The following PCDHB12 variants were observed in gnomAD, a reference collection of about 807,000 sequenced individuals.
The protein encoded by PCDHB12 is protocadherin beta 12.
For missense variants in PCDHB12, 1,192 were observed against 998.2 expected (o/e 1.19, Z -2.62); for synonymous variants, 560 against 445.2 (o/e 1.26, Z -3.24).
chr5:141,210,051 G>T lies in PCDHB12; in HGVS notation c.1144G>T (p.Val382Phe). ...DRDSGDNGKM[V>F]CSIPEDIPFV... ...AGACTCTGGGGACAACGGAAAGATG[G>T]TTTGTTCTATCCCGGAGGACATCCC... The change falls in exon 1 of 1, where the codon GTT (valine) becomes TTT (phenylalanine). Residue 382 changes from valine (V) to phenylalanine (F), a missense_variant. Physicochemically the swap from Val to Phe is conservative, Grantham distance 50. Transcript: ENST00000239450. 1.2e-6 allele frequency: 2 copies of T among 1,614,148 alleles called. No individual in the cohort carries two copies. Among genetic ancestry groups the T allele is most frequent in the East Asian group, 2.2e-5 (1 of 44,878 alleles).
rs781896876 is a variant in PCDHB12 at position 141,210,812 on chromosome 5, G to T, written c.1905G>T (p.Ala635=). Residue 635 remains alanine, a synonymous_variant, in exon 1 of 1, where the codon GCG becomes GCT. Transcript: ENST00000239450. Reference sequence around the variant, plus strand: ...CCAGGCTGCTGAGCGAGCGCGACGCGGCCAAGCACAGGCTGGTGGTGCTGG... The same window carrying T: ...CCAGGCTGCTGAGCGAGCGCGACGCTGCCAAGCACAGGCTGGTGGTGCTGG... ...RTARLLSERD[A]AKHRLVVLVK... is the part of the protein sequence containing the mutation. The T allele has an allele frequency of 7.5e-6, 12 of 1,599,914 alleles. No homozygotes were observed. Among genetic ancestry groups the T allele is most frequent in the East Asian group, 6.7e-5 (3 of 44,788 alleles).
chr5:141,210,155 G>T lies in PCDHB12; in HGVS notation c.1248G>T (p.Glu416Asp). 1 of 1,614,166 alleles carries T rather than the reference G, an allele frequency of 6.2e-7. No individual in the cohort carries two copies. The highest frequency in any genetic ancestry group is 8.5e-7 in the Non-Finnish European group (1 of 1,180,012). ...ERPLDRESRA[E>D]YNITITVTDL... ...CGCTGGACAGAGAGAGCAGAGCCGA[G>T]TACAACATCACCATCACCGTCACCG... Residue 416 changes from glutamate (E) to aspartate (D), a missense_variant, in exon 1 of 1, where the codon GAG becomes GAT. Transcript: ENST00000239450.
Position 141,209,959 on chromosome 5 carries a change from C to A in PCDHB12, c.1052C>A (p.Ser351Ter). 6.2e-7 allele frequency: 1 copy of A among 1,614,164 alleles called. No individual in the cohort carries two copies. Among genetic ancestry groups the A allele is most frequent in the Non-Finnish European group, 8.5e-7 (1 of 1,180,040 alleles). ...AACGCTCCTGAAATCACTGTGTCAT[C>A]AATTACCAGTCCAATCCCAGAAAAC... The part of the protein sequence containing the change: ...NDNAPEITVS[S>*]ITSPIPENTP... Residue 351 changes from serine (S) to a stop codon, truncating the protein, a stop_gained, in exon 1 of 1, where the codon TCA becomes TAA. Coordinates refer to ENST00000239450, the MANE Select transcript of PCDHB12 (RefSeq NM_018932.4). LOFTEE classifies it low-confidence loss of function (END_TRUNC).
chr5:141,209,927 A>G lies in PCDHB12; in HGVS notation c.1020A>G (p.Val340=). 1 of 1,614,218 alleles carries G rather than the reference A, an allele frequency of 6.2e-7. No individual in the cohort carries two copies. Among genetic ancestry groups the G allele is most frequent in the Non-Finnish European group, 8.5e-7 (1 of 1,180,040 alleles). The change falls in exon 1 of 1, where the codon GTA becomes GTG. Residue 340 remains valine, a synonymous_variant. Coordinates refer to ENST00000239450, the MANE Select transcript of PCDHB12 (RefSeq NM_018932.4). ...KSTVRIQVMD[V]NDNAPEITVS... ...CAGTCAGAATTCAGGTGATGGATGT[A>G]AACGACAACGCTCCTGAAATCACTG...
Position 141,211,343 on chromosome 5 carries a change from G to A in PCDHB12, c.*48G>A. 13 of 1,532,558 alleles carry A rather than the reference G, an allele frequency of 8.5e-6. No individual in the cohort carries two copies. Among genetic ancestry groups the A allele is most frequent in the Non-Finnish European group, 6.2e-6 (7 of 1,135,404 alleles). The allele number at this position is 1,532,558 out of a possible 1,614,324, so 94.9% of individuals were successfully genotyped here. A position where few individuals can be genotyped will look rare whatever the true frequency, so the allele number is the denominator to read the frequency against. On this transcript the variant is annotated 3_prime_UTR_variant, in exon 1 of 1. Transcript: ENST00000239450. Reference sequence around the variant, plus strand: ...GTGTTTATGAATACATTTATAATTAGGAACTTATCGTGAGGTGCCTGTAAA... The same window carrying A: ...GTGTTTATGAATACATTTATAATTAAGAACTTATCGTGAGGTGCCTGTAAA...
chr5:141,210,276 G>GCCCTGTT lies in PCDHB12; in HGVS notation c.1371_1377dup (p.Val460ProfsTer138). On this transcript the variant is annotated frameshift_variant, in exon 1 of 1. Transcript: ENST00000239450. LOFTEE classifies it low-confidence loss of function (END_TRUNC). ...CCCCGCCTTCACCCAAACTTCCTAC[G>GCCCTGTT]CCCTGTTCGTCCGCGAGAACAACAG... The GCCCTGTT allele has an allele frequency of 1.2e-6, 2 of 1,613,904 alleles. No homozygotes were observed. The highest frequency in any genetic ancestry group is 1.7e-6 in the Non-Finnish European group (2 of 1,180,028).
rs782118556 is a variant in PCDHB12 at position 141,211,003 on chromosome 5, C to T, written c.2096C>T (p.Ser699Leu). The T allele has an allele frequency of 6.2e-7, 1 of 1,611,684 alleles. No individual in the cohort carries two copies. Among genetic ancestry groups the T allele is most frequent in the Non-Finnish European group, 8.5e-7 (1 of 1,179,882 alleles). Residue 699 changes from serine to leucine, a missense_variant, in exon 1 of 1, where the codon TCG becomes TTG. Ser to Leu is a moderately radical substitution (Grantham distance 145). Transcript: ENST00000239450. ...YLVVALASVS[S>L]LFLFSVLLFV... is the part of the protein sequence containing the mutation. ...GTGGTGGCGTTGGCCTCAGTGTCGT[C>T]GCTCTTCCTCTTCTCGGTGCTCCTG...
Position 141,210,749 on chromosome 5 carries a change from A to C in PCDHB12, c.1842A>C (p.Leu614=). The C allele has an allele frequency of 6.2e-7, 1 of 1,604,440 alleles. No individual in the cohort carries two copies. The highest frequency in any genetic ancestry group is 1.1e-5 in the South Asian group (1 of 90,902). ...YQLLKATEPG[L]FGVWAHNGEV... ...TGCTCAAGGCCACGGAGCCCGGGCTATTCGGCGTGTGGGCGCACAATGGCG... is the reference window on the plus strand; with the variant it reads ...TGCTCAAGGCCACGGAGCCCGGGCTCTTCGGCGTGTGGGCGCACAATGGCG... Residue 614 remains leucine, a synonymous_variant, in exon 1 of 1, where the codon CTA becomes CTC. Coordinates refer to ENST00000239450, the MANE Select transcript of PCDHB12 (RefSeq NM_018932.4).
Position 141,208,807 on chromosome 5 carries a change from TC to T in PCDHB12, c.-99del. 3.8e-6 allele frequency: 4 copies of T among 1,051,520 alleles called. No homozygotes were observed. The highest frequency in any genetic ancestry group is 5.5e-6 in the Non-Finnish European group (4 of 730,332). 65.1% of individuals were successfully genotyped at this position (1,051,520 alleles called of 1,614,324 possible). A position where few individuals can be genotyped will look rare whatever the true frequency, so the allele number is the denominator to read the frequency against. ...TCAACAAGGTTAAAATCTTCAGGCT[TC>T]CGAGGATTTGGTAGACAGATCAGAG... On this transcript the variant is annotated 5_prime_UTR_variant, in exon 1 of 1. Coordinates refer to ENST00000239450, the MANE Select transcript of PCDHB12 (RefSeq NM_018932.4).
Position 141,209,257 on chromosome 5 carries a change from T to C in PCDHB12, c.350T>C (p.Leu117Ser), listed in dbSNP as rs368188986. 3.2e-5 allele frequency: 51 copies of C among 1,614,068 alleles called. No homozygotes were observed. Among genetic ancestry groups the C allele is most frequent in the Non-Finnish European group, 4.1e-5 (48 of 1,180,048 alleles). ...QVLMKNPTQF[L>S]QIELQVRDIN... ...TTAATGAAAAACCCCACGCAGTTTT[T>C]ACAAATTGAGCTCCAGGTCAGGGAT... Residue 117 changes from leucine to serine, a missense_variant, in exon 1 of 1, where the codon TTA becomes TCA. By Grantham distance (145) the Leu-to-Ser change is moderately radical (BLOSUM62 -2). Coordinates refer to ENST00000239450, the MANE Select transcript of PCDHB12 (RefSeq NM_018932.4).
In PCDHB12 at chr5:141,210,272, C is replaced by A. The variant is rs781844257; in HGVS notation, c.1365C>A (p.Ser455=). The A allele has an allele frequency of 1.3e-5, 21 of 1,613,972 alleles. 1 individual carries two copies. In the South Asian group the frequency reaches 2.3e-4, roughly 18 times the overall value. Residue 455 remains serine, a synonymous_variant, in exon 1 of 1, where the codon TCC becomes TCA. Coordinates refer to ENST00000239450, the MANE Select transcript of PCDHB12 (RefSeq NM_018932.4). The stretch of plus-strand genomic sequence containing the variant: ...ACGCCCCCGCCTTCACCCAAACTTC[C>A]TACGCCCTGTTCGTCCGCGAGAACA... ...NDNAPAFTQT[S]YALFVRENNS... is the part of the protein sequence containing the mutation.
chr5:141,210,358 C>A lies in PCDHB12; in HGVS notation c.1451C>A (p.Ala484Asp). 10 of 1,613,028 alleles carry A rather than the reference C, an allele frequency of 6.2e-6. No homozygotes were observed. Among genetic ancestry groups the A allele is most frequent in the Non-Finnish European group, 8.5e-6 (10 of 1,180,038 alleles). The change falls in exon 1 of 1, where the codon GCC becomes GAC. Residue 484 changes from alanine to aspartate, a missense_variant. Coordinates refer to ENST00000239450, the MANE Select transcript of PCDHB12 (RefSeq NM_018932.4). Reference sequence around the variant, plus strand: ...ACAGACAGAGACTCGGGCACCAACGCCCAGGTCAACTACTCGCTGCTGCCG... The same window carrying A: ...ACAGACAGAGACTCGGGCACCAACGACCAGGTCAACTACTCGCTGCTGCCG... ...SATDRDSGTN[A>D]QVNYSLLPSQ...
chr5:141,209,140 A>T lies in PCDHB12; in HGVS notation c.233A>T (p.Asp78Val). 6.2e-7 allele frequency: 1 copy of T among 1,614,138 alleles called. No homozygotes were observed. Reference protein sequence around the residue: ...SNDNKECLQLDTNTGDLLLRE... With the variant: ...SNDNKECLQLVTNTGDLLLRE... ...GATAACAAAGAGTGTTTGCAGCTGG[A>T]CACAAACACTGGGGATTTGCTCCTG... The change falls in exon 1 of 1, where the codon GAC becomes GTC. Residue 78 changes from aspartate to valine, a missense_variant. Coordinates refer to ENST00000239450, the MANE Select transcript of PCDHB12 (RefSeq NM_018932.4).
Position 141,210,915 on chromosome 5 carries a change from T to C in PCDHB12, c.2008T>C (p.Tyr670His). Residue 670 changes from tyrosine (Y) to histidine (H), a missense_variant, in exon 1 of 1, where the codon TAC (tyrosine) becomes CAC (histidine). Tyr to His is a moderately conservative substitution (Grantham distance 83, BLOSUM62 2). Coordinates refer to ENST00000239450, the MANE Select transcript of PCDHB12 (RefSeq NM_018932.4). ...VLLVDGFSQP[Y>H]LPLPEAAPAQ... Reference sequence around the variant, plus strand: ...CCTGGTGGACGGCTTCTCCCAGCCCTACCTGCCTCTCCCGGAGGCGGCCCC... The same window carrying C: ...CCTGGTGGACGGCTTCTCCCAGCCCCACCTGCCTCTCCCGGAGGCGGCCCC... 6.2e-7 allele frequency: 1 copy of C among 1,609,884 alleles called. No individual in the cohort carries two copies. Among genetic ancestry groups the C allele is most frequent in the East Asian group, 2.2e-5 (1 of 44,856 alleles).
At position 141,209,474 on chromosome 5, in the gene PCDHB12, G is replaced by A; in HGVS notation, c.567G>A (p.Arg189=). 2 of 1,614,038 alleles carry A rather than the reference G, an allele frequency of 1.2e-6. No individual in the cohort carries two copies. Among genetic ancestry groups the A allele is most frequent in the Middle Eastern group, 1.6e-4 (1 of 6,082 alleles). ...HVKIRVNPDN[R]KYPELVLDKA... is the part of the protein sequence containing the mutation. ...AAATAAGAGTCAATCCAGACAATAG[G>A]AAATACCCTGAGTTAGTTCTGGACA... Residue 189 remains arginine (R), a synonymous_variant, in exon 1 of 1, where the codon AGG becomes AGA. Transcript: ENST00000239450.
At position 141,211,099 on chromosome 5, in the gene PCDHB12, C is replaced by T. The variant is rs1366679650; in HGVS notation, c.2192C>T (p.Pro731Leu). ...GGTCGCTGCTCGGTGCCTGAGGGCC[C>T]CTTTCCAGGACATCTGGTGGACGTG... is the stretch of plus-strand genomic sequence containing the variant. Reference protein sequence around the residue: ...PVGRCSVPEGPFPGHLVDVSG... With the variant: ...PVGRCSVPEGLFPGHLVDVSG... Residue 731 changes from proline (P) to leucine (L), a missense_variant, in exon 1 of 1, where the codon CCC becomes CTC. Coordinates refer to ENST00000239450, the MANE Select transcript of PCDHB12 (RefSeq NM_018932.4). 1 of 1,614,034 alleles carries T rather than the reference C, an allele frequency of 6.2e-7. No individual in the cohort carries two copies. Among genetic ancestry groups the T allele is most frequent in the South Asian group, 1.1e-5 (1 of 91,064 alleles).
chr5:141,212,028 T>C lies in PCDHB12; in HGVS notation c.*733T>C, dbSNP rs1563982388. ...CTTTATCTATGATTTCATTTTCTTA[T>C]AAACCAGTAATCTTGCTTTTCTGGG... On this transcript the variant is annotated 3_prime_UTR_variant, in exon 1 of 1. Coordinates refer to ENST00000239450, the MANE Select transcript of PCDHB12 (RefSeq NM_018932.4). 6.0e-6 allele frequency: 1 copy of C among 167,126 alleles called. No individual in the cohort carries two copies. Among genetic ancestry groups the C allele is most frequent in the Non-Finnish European group, 1.5e-5 (1 of 68,128 alleles). 10.4% of individuals were successfully genotyped at this position (167,126 alleles called of 1,614,324 possible).
In PCDHB12 at chr5:141,211,836, A is replaced by G. The variant is rs575671381; in HGVS notation, c.*541A>G. 4 of 175,448 alleles carry G rather than the reference A, an allele frequency of 2.3e-5. No homozygotes were observed. The South Asian group carries it at 5.3e-4, about 23-fold the overall frequency. The allele number at this position is 175,448 out of a possible 1,614,324, so 10.9% of individuals were successfully genotyped here. A position where few individuals can be genotyped will look rare whatever the true frequency, so the allele number is the denominator to read the frequency against. On this transcript the variant is annotated 3_prime_UTR_variant, in exon 1 of 1. Transcript: ENST00000239450. ...TAAGGTCCACTAACTAATAAGTGAC[A>G]AAACTGAGCATCCATCCTAGATCTG...
chr5:141,211,425 T>C lies in PCDHB12; in HGVS notation c.*130T>C. 1.0e-6 allele frequency: 1 copy of C among 998,996 alleles called. No individual in the cohort carries two copies. Among genetic ancestry groups the C allele is most frequent in the Non-Finnish European group, 1.5e-6 (1 of 655,022 alleles). 61.9% of individuals were successfully genotyped at this position (998,996 alleles called of 1,614,324 possible). ...CTTCAAGTCAAGAAATAAATTTCTTTACATAGAAAAGGATACAGATTTAGT... is the reference window on the plus strand; with the variant it reads ...CTTCAAGTCAAGAAATAAATTTCTTCACATAGAAAAGGATACAGATTTAGT... On this transcript the variant is annotated 3_prime_UTR_variant, in exon 1 of 1. Transcript: ENST00000239450.
Sources: allele counts gnomAD v4.1 joint callset, GRCh38; gene constraint gnomAD v4.1.1; transcripts MANE v1.5; gene names NCBI Gene and HGNC (gene_info 2026-07-23, HGNC 2026-07-21).